Variants in SLC37A1 observed in about 807,000 individuals in gnomAD.
SLC37A1 encodes the protein glucose-6-phosphate exchanger SLC37A1.
SLC37A1 carries 49 observed loss-of-function variants against 75.3 expected under a neutral mutation model. The observed-to-expected ratio is 0.65, with a 90% CI of 0.52 to 0.83. The LOEUF is 0.83. Ranked by LOEUF, SLC37A1 falls within the 40% of genes least tolerant of loss-of-function variation. The pLI is 0.00. For missense variants in SLC37A1, 566 were observed against 695.0 expected (o/e 0.81, Z 2.09); for synonymous variants, 268 against 292.1 (o/e 0.92, Z 0.84).
chr21:42,518,978 G>A (rs2054581089), intron 2 of SLC37A1, among the ~76,000 whole-genome samples: 1 of 152,200 alleles, frequency 6.6e-6, no homozygotes, highest in African/African-American at 2.4e-5. Context: ...TGCATATTCT[G>A]AGAATCCTTC....
At position 42,565,823 on chromosome 21, in the gene SLC37A1, A is replaced by G. The variant is rs111683446; in HGVS notation, c.1222-4A>G. 242 of 1,613,872 alleles carry G rather than the reference A, an allele frequency of 1.5e-4. No individual in the cohort carries two copies. In the African/African-American group the frequency reaches 2.5e-3, roughly 17 times the overall value. ...GCTTTGACCTTGTGTCTTGATGTCCACAGCTCTACATCTTCTCCACCGTCA... is the reference window on the plus strand; with the variant it reads ...GCTTTGACCTTGTGTCTTGATGTCCGCAGCTCTACATCTTCTCCACCGTCA... On this transcript the variant is annotated splice_region_variant and splice_polypyrimidine_tract_variant and intron_variant, in intron 14 of 19. Coordinates refer to ENST00000352133, the MANE Select transcript of SLC37A1 (RefSeq NM_001320537.2).
intron 2 of SLC37A1, among the ~76,000 whole-genome samples, chr21:42,519,083 C>T (rs2054584414): frequency 6.6e-6 from 1 of 152,210 alleles, no homozygotes; most frequent in Admixed American, 6.5e-5. Context: ...ACTTGTCCTG[C>T]TGACCTCTTC....
At chr21:42,536,398 C>T (rs1289135941) in intron 5 of SLC37A1, among the ~76,000 whole-genome samples, 4 of 152,196 alleles carry the variant, frequency 2.6e-5, no homozygotes, top group Non-Finnish European at 5.9e-5. Context: ...CTGACCAAGG[C>T]AGGTGGTGAA....
At chr21:42,560,703 C>G (rs533045132) in intron 11 of SLC37A1, among the ~76,000 whole-genome samples, 1 of 152,326 alleles carries the variant, frequency 6.6e-6, no homozygotes, top group East Asian at 1.9e-4. Context: ...GGGGAAAGGG[C>G]TGTGCATGCT....
chr21:42,571,032 T>G (rs962515923), intron 17 of SLC37A1, among the ~76,000 whole-genome samples: 1 of 152,246 alleles, frequency 6.6e-6, no homozygotes, highest in East Asian at 1.9e-4. Flanking sequence ...CAGGCTCCAC[T>G]GCCCATCAGT....
At chr21:42,555,865 G>T (rs543355234) in intron 10 of SLC37A1, among the ~76,000 whole-genome samples, 1 of 152,350 alleles carries the variant, frequency 6.6e-6, no homozygotes, top group Non-Finnish European at 1.5e-5. Context: ...ACAACCGGGC[G>T]CATGCTGACC....
intron 2 of SLC37A1, chr21:42,508,744 C>T (rs764753859): frequency 1.3e-5 from 2 of 152,166 alleles, no homozygotes; most frequent in African/African-American, 4.8e-5. Context: ...CCCAAATACC[C>T]GTGAGCACTC....
At chr21:42,539,014 G>A (rs2055209071) in intron 5 of SLC37A1, among the ~76,000 whole-genome samples, 1 of 152,204 alleles carries the variant, frequency 6.6e-6, no homozygotes, top group Non-Finnish European at 1.5e-5. Context: ...GCAGCTGAAA[G>A]CCACTTCCCC....
chr21:42,534,870 G>A, intron 4 of SLC37A1, 40 bp downstream of exon 4: 2 of 1,599,708 alleles, frequency 1.3e-6, no homozygotes, highest in South Asian at 1.1e-5. Context: ...CGAAGCGGCT[G>A]TCCTTCCAGC....
At chr21:42,536,950 G>T (rs2055155463) in intron 5 of SLC37A1, among the ~76,000 whole-genome samples, 1 of 152,204 alleles carries the variant, frequency 6.6e-6, no homozygotes, top group South Asian at 2.1e-4. Context: ...CACAGCCAGA[G>T]ACTGAGGCAT....
At chr21:42,579,893 G>GA in intron 19 of SLC37A1, 93 bp downstream of exon 19, 4 of 1,193,410 alleles carry the variant, frequency 3.4e-6, no homozygotes, top group Non-Finnish European at 4.9e-6. Context: ...TTTCCTGAAA[G>GA]AAAGAAAACG....
chr21:42,572,887 A>G (rs571731985), intron 17 of SLC37A1, among the ~76,000 whole-genome samples: 8 of 151,464 alleles, frequency 5.3e-5, no homozygotes, highest in Admixed American at 1.3e-4. Context: ...CCCCTTCATC[A>G]CTTCCCATGG....
In SLC37A1 at chr21:42,571,440, ATTTT is replaced by A. The variant is rs576900211; in HGVS notation, c.1423+3004_1423+3007del. ...GGGCACTGCATTTTTCTTCAAGTTA[ATTTT>A]TATTTATTAAAGTAAAACATAATGT... On this transcript the variant is annotated intron_variant, in intron 17 of 19. Transcript: ENST00000352133. Among the ~76,000 whole-genome samples the A allele has an allele frequency of 4.6e-5, 7 of 152,264 alleles. No homozygotes were observed. In the South Asian group the frequency reaches 1.4e-3, roughly 32 times the overall value.
chr21:42,531,401 G>A (rs1427554758), intron 3 of SLC37A1, among the ~76,000 whole-genome samples: 2 of 151,654 alleles, frequency 1.3e-5, no homozygotes, highest in East Asian at 3.9e-4. Flanking sequence ...CGTCTTCACA[G>A]GGCCCACTCA....
chr21:42,532,594 G>T (rs774513151), intron 3 of SLC37A1, among the ~76,000 whole-genome samples: 2 of 152,162 alleles, frequency 1.3e-5, no homozygotes, highest in African/African-American at 2.4e-5. Flanking sequence ...TCAACAAGGC[G>T]GCGGGTGAAC....
rs773991642 is a variant in SLC37A1 at position 42,534,823 on chromosome 21, A to G, written c.264A>G (p.Ala88=). Residue 88 remains alanine, a synonymous_variant, in exon 4 of 20, where the codon GCA becomes GCG. Transcript: ENST00000352133. ...LPDNETDCGW[A]PFDKNNYQQL... ...ACAATGAGACCGACTGTGGCTGGGCACCGTTTGGTAAGTCGATTATCGGTC... is the reference window on the plus strand; with the variant it reads ...ACAATGAGACCGACTGTGGCTGGGCGCCGTTTGGTAAGTCGATTATCGGTC... The G allele has an allele frequency of 6.7e-5, 108 of 1,613,392 alleles. No individual in the cohort carries two copies. The highest frequency in any genetic ancestry group is 8.8e-5 in the Non-Finnish European group (104 of 1,179,758).
chr21:42,519,303 G>T lies in SLC37A1; in HGVS notation c.56+793G>T, dbSNP rs1296521006. Among the ~76,000 whole-genome samples the T allele has an allele frequency of 4.6e-5, 7 of 152,192 alleles. No homozygotes were observed. In the East Asian group the frequency reaches 1.3e-3, roughly 29 times the overall value. ...ACAGGGGAAGGGGAGTGAGAGAAAG[G>T]TACCTGTGGGCAAACGAATGGCTTT... On this transcript the variant is annotated intron_variant, in intron 2 of 19. Coordinates refer to ENST00000352133, the MANE Select transcript of SLC37A1 (RefSeq NM_001320537.2).
At chr21:42,536,584 C>A (rs2051888618) in intron 5 of SLC37A1, among the ~76,000 whole-genome samples, 5 of 152,196 alleles carry the variant, frequency 3.3e-5, no homozygotes, top group Admixed American at 3.3e-4. Flanking sequence ...TAGCTTTTAT[C>A]TAACTGGGAA....
chr21:42,538,271 T>G (rs2055190892), intron 5 of SLC37A1, among the ~76,000 whole-genome samples: 1 of 152,206 alleles, frequency 6.6e-6, no homozygotes, highest in South Asian at 2.1e-4. Context: ...ACAATGCTCT[T>G]GAGTCTGTGT....
Sources: allele counts gnomAD v4.1 joint callset (sites outside exome capture counted in the v4.1 genomes callset), GRCh38; gene constraint gnomAD v4.1.1; transcripts MANE v1.5; gene names NCBI Gene and HGNC (gene_info 2026-07-23, HGNC 2026-07-21).